CLIC5: variants seen among roughly 807,000 people sequenced by gnomAD.
CLIC5 encodes the protein CLIC family member 5.
CLIC5 carries 20 observed loss-of-function variants against 24.7 expected under a neutral mutation model. The ratio of observed to expected loss-of-function variants is 0.81; its 90% CI spans 0.57 to 1.18. CLIC5 has a LOEUF of 1.18. Ranked by LOEUF, CLIC5 falls within the 50% of genes most tolerant of loss-of-function variation. The probability of loss-of-function intolerance (pLI) is 0.00; values close to 1 mark genes in which losing one functional copy is unlikely to be tolerated. For synonymous variants in CLIC5, 159 were observed against 135.6 expected (o/e 1.17, Z -1.20); for missense variants, 341 against 326.1 (o/e 1.05, Z -0.35).
At chr6:45,996,804 A>G (rs1394633482) in intron 1 of CLIC5, among the ~76,000 whole-genome samples, 1 of 151,930 alleles carries the variant, frequency 6.6e-6, no homozygotes, top group East Asian at 1.9e-4. Context: ...CCACAATGAG[A>G]TACCATCTCA....
At chr6:45,990,607 A>C (rs1431476908) in intron 1 of CLIC5, among the ~76,000 whole-genome samples, 1 of 152,220 alleles carries the variant, frequency 6.6e-6, no homozygotes, top group Non-Finnish European at 1.5e-5. Context: ...TTTCTTCTGA[A>C]AACCCCTGTT....
intron 4 of CLIC5, among the ~76,000 whole-genome samples, chr6:45,922,130 T>C (rs1204921549): frequency 6.6e-6 from 1 of 152,132 alleles, no homozygotes; most frequent in Non-Finnish European, 1.5e-5. Flanking sequence ...CGTGGTGCCA[T>C]GGGTATTATT....
chr6:45,947,762 G>T (rs1455033000), intron 3 of CLIC5, among the ~76,000 whole-genome samples: 2 of 152,128 alleles, frequency 1.3e-5, no homozygotes, highest in African/African-American at 4.8e-5. Context: ...GGCTCCCTCA[G>T]GGCAATTCCA....
intron 1 of CLIC5, among the ~76,000 whole-genome samples, chr6:46,022,881 T>C (rs1767223144): frequency 1.3e-5 from 2 of 152,212 alleles, no homozygotes; most frequent in African/African-American, 4.8e-5. Context: ...TGAGCAGTCT[T>C]AGTTCCTGTA....
intron 1 of CLIC5, among the ~76,000 whole-genome samples, chr6:46,066,616 T>TG: frequency 6.6e-6 from 1 of 152,168 alleles, no homozygotes; most frequent in Admixed American, 6.5e-5. Context: ...GTGCTAACTG[T>TG]GGGGGGTACA....
intron 4 of CLIC5, among the ~76,000 whole-genome samples, chr6:45,928,127 TGGGGTTTTAAAGC>T (rs767658968): frequency 2.6e-5 from 4 of 152,190 alleles, no homozygotes; most frequent in Non-Finnish European, 4.4e-5. Context: ...AAAGAAAGCC[TGGGGTTTTAAAGC>T]CAAAGTTCCA....
At chr6:46,112,954 G>T in the CLIC5 span, among the ~76,000 whole-genome samples, 2 of 152,178 alleles carry the variant, frequency 1.3e-5, no homozygotes, top group African/African-American at 4.8e-5. Flanking sequence ...CTACTCAGGA[G>T]GCTAGGCAGG....
At chr6:46,053,401 C>T (rs947829140) in intron 1 of CLIC5, among the ~76,000 whole-genome samples, 3 of 152,104 alleles carry the variant, frequency 2.0e-5, no homozygotes, top group Non-Finnish European at 2.9e-5. Flanking sequence ...TTGAGCAGAA[C>T]GGAGTGAGGA....
intron 1 of CLIC5, among the ~76,000 whole-genome samples, chr6:45,979,812 AT>A (rs1402853165): frequency 6.7e-6 from 1 of 149,700 alleles, no homozygotes; most frequent in Non-Finnish European, 1.5e-5. Context: ...GTATGCAAAT[AT>A]TTTCTCCCGT....
At chr6:45,982,617 A>G (rs1053087829) in intron 1 of CLIC5, among the ~76,000 whole-genome samples, 2 of 152,184 alleles carry the variant, frequency 1.3e-5, no homozygotes, top group African/African-American at 4.8e-5. Context: ...GTATCAAAAT[A>G]TAGAAAAAGC....
At chr6:45,973,966 T>C (rs1331711697) in intron 1 of CLIC5, among the ~76,000 whole-genome samples, 2 of 151,584 alleles carry the variant, frequency 1.3e-5, no homozygotes, top group Admixed American at 1.3e-4. Flanking sequence ...TACAATGTGA[T>C]ATAACCATAT....
chr6:45,903,866 C>G (rs1296318599), intron 5 of CLIC5, among the ~76,000 whole-genome samples: 2 of 152,034 alleles, frequency 1.3e-5, no homozygotes, highest in African/African-American at 2.4e-5. Flanking sequence ...TTTACACAGG[C>G]CAGTTTTTCC....
intron 2 of CLIC5, among the ~76,000 whole-genome samples, 171 bp downstream of exon 2, chr6:45,954,964 C>T (rs990389489): frequency 1.3e-5 from 2 of 152,214 alleles, no homozygotes; most frequent in Admixed American, 1.3e-4. Context: ...AAGTGAAATA[C>T]TTGCCTTTGC....
At chr6:46,042,972 C>T (rs570608729) in intron 1 of CLIC5, among the ~76,000 whole-genome samples, 4 of 152,316 alleles carry the variant, frequency 2.6e-5, no homozygotes, top group African/African-American at 9.6e-5. Flanking sequence ...CACGTTCTCT[C>T]TTGCTTATGT....
chr6:46,079,609 C>G, intron 1 of CLIC5: 1 of 1,031,778 alleles, frequency 9.7e-7, no homozygotes. Context: ...AGGACCATGG[C>G]ATTATGAATC....
chr6:46,070,916 C>T (rs1048256821), intron 1 of CLIC5, among the ~76,000 whole-genome samples: 9 of 151,924 alleles, frequency 5.9e-5, no homozygotes, highest in South Asian at 2.1e-4. Flanking sequence ...CCCCAAAATA[C>T]GGCCGCACAC....
chr6:45,883,287 T>A (rs187312645), intron 6 of CLIC5, among the ~76,000 whole-genome samples: 103 of 152,352 alleles, frequency 6.8e-4, no homozygotes, highest in African/African-American at 2.3e-3. Flanking sequence ...AAGGGCTTGT[T>A]TAAATTTTAT....
Position 45,902,385 on chromosome 6 carries a change from A to G in CLIC5, c.*703T>C, listed in dbSNP as rs1762533284. 1 of 152,860 alleles carries G rather than the reference A, an allele frequency of 6.5e-6. No homozygotes were observed. The highest frequency in any genetic ancestry group is 6.5e-5 in the Admixed American group (1 of 15,304). The allele number at this position is 152,860 out of a possible 1,614,324, so 9.5% of individuals were successfully genotyped here. On this transcript the variant is annotated 3_prime_UTR_variant, in exon 6 of 6. Transcript: ENST00000339561. ...CACTGCAGTTTAGAATTGCATGCCA[A>G]TTTCCTTTTCTGGCAGGGCCTGGAC... is the stretch of plus-strand genomic sequence containing the variant.
the CLIC5 span, among the ~76,000 whole-genome samples, chr6:46,103,340 G>A: frequency 6.6e-6 from 1 of 152,130 alleles, no homozygotes; most frequent in African/African-American, 2.4e-5. Flanking sequence ...GCTGTTCAGA[G>A]ACCCTGCAAA....
Sources: allele counts gnomAD v4.1 joint callset (sites outside exome capture counted in the v4.1 genomes callset), GRCh38; gene constraint gnomAD v4.1.1; transcripts MANE v1.5; gene names NCBI Gene and HGNC (gene_info 2026-07-23, HGNC 2026-07-21).